Variants in KCNQ1 observed in about 807,000 individuals in gnomAD.
KCNQ1 encodes the protein potassium voltage-gated channel subfamily KQT member 1.
KCNQ1 carries 49 observed loss-of-function variants against 72.4 expected under a neutral mutation model. The observed-to-expected ratio is 0.68, with a 90% confidence interval of 0.54 to 0.86. The LOEUF (loss-of-function observed/expected upper bound fraction) is 0.86. Among genes scored for constraint, KCNQ1 ranks in the 40% least tolerant of loss-of-function variants. The probability of loss-of-function intolerance (pLI) is 0.00; values close to 1 mark genes in which losing one functional copy is unlikely to be tolerated. For missense variants in KCNQ1, 790 were observed against 945.1 expected (o/e 0.84, Z 2.15); for synonymous variants, 450 against 412.6 (o/e 1.09, Z -1.10).
chr11:2,743,285 G>T (rs1846086813), intron 11 of KCNQ1, among the ~76,000 whole-genome samples: 1 of 152,146 alleles, frequency 6.6e-6, no homozygotes, highest in Admixed American at 6.5e-5. Context: ...TCCTCCAGAA[G>T]GTGGGGTCTG....
rs1044393579 is a variant in KCNQ1, at chr11:2,647,300, C to T, written c.1394-14661C>T. On this transcript the variant is annotated intron_variant, in intron 10 of 15. Transcript: ENST00000155840. This position sits in a 1 kb window ranked among gnomAD's most constrained non-coding sequence, Gnocchi z 4.0. ...ATTTATTGATTTGTATATGTTGAAC[C>T]ATCCTTGAATCCCTGGGATAAATCC... The T allele has an allele frequency of 2.5e-6, 1 of 398,380 alleles. No individual in the cohort carries two copies. The highest frequency in any genetic ancestry group is 2.1e-5 in the African/African-American group (1 of 48,686). The allele number at this position is 398,380 out of a possible 1,614,324, so 24.7% of individuals were successfully genotyped here.
At chr11:2,699,525 G>A (rs1850740784) in intron 11 of KCNQ1, 2 of 333,846 alleles carry the variant, frequency 6.0e-6, no homozygotes, top group Non-Finnish European at 1.0e-5. Flanking sequence ...GGAGAGTGCC[G>A]CGCTGAGGAG....
chr11:2,834,742 C>T (rs1417135920), intron 15 of KCNQ1, among the ~76,000 whole-genome samples: 1 of 152,218 alleles, frequency 6.6e-6, no homozygotes, highest in African/African-American at 2.4e-5. Flanking sequence ...CCCCAAGCCC[C>T]AGATGGGCCT....
At chr11:2,519,149 A>G (rs1181963230) in intron 1 of KCNQ1, among the ~76,000 whole-genome samples, 1 of 152,164 alleles carries the variant, frequency 6.6e-6, no homozygotes, top group Admixed American at 6.5e-5. Context: ...CGGTCCCTGA[A>G]GGGCTGGGGT....
rs1177793967 is a variant in KCNQ1 at position 2,687,668 on chromosome 11, G to A, written c.1514+25587G>A. The A allele has an allele frequency of 5.0e-6, 2 of 398,556 alleles. No homozygotes were observed. Among genetic ancestry groups the A allele is most frequent in the Admixed American group, 4.4e-5 (1 of 22,722 alleles). 24.7% of individuals were successfully genotyped at this position (398,556 alleles called of 1,614,324 possible). On this transcript the variant is annotated intron_variant, in intron 11 of 15. Coordinates refer to ENST00000155840, the MANE Select transcript of KCNQ1 (RefSeq NM_000218.3). This position sits in a 1 kb window ranked among gnomAD's most constrained non-coding sequence, Gnocchi z 5.0. ...ATTGGGACCTGTCCTTGCCAGCCAG[G>A]TCTCAGGGAGCTCAGGGTTCAGTGT...
rs1846677237 is a variant in KCNQ1, at chr11:2,482,974, A to G, written c.386+37490A>G. On this transcript the variant is annotated intron_variant, in intron 1 of 15. Transcript: ENST00000155840. The surrounding 1 kb of genome is among the most constrained non-coding windows in gnomAD (Gnocchi z 5.7). ...ATGGTGCGTGTCTCTTAGCAGTAAGACCTTGAGAAGGAGCCAGGCAGGGAG... is the reference window on the plus strand; with the variant it reads ...ATGGTGCGTGTCTCTTAGCAGTAAGGCCTTGAGAAGGAGCCAGGCAGGGAG... Among the ~76,000 whole-genome samples the G allele has an allele frequency of 2.0e-5, 3 of 152,110 alleles. No homozygotes were observed.
In KCNQ1 at chr11:2,644,222, G is replaced by C. The variant is rs142747149; in HGVS notation, c.1394-17739G>C. ...TTTGCTCTTCACCTTCTGGGACACTGAAGGTGTCACCTTATGGCATCCTAT... is the reference window on the plus strand; with the variant it reads ...TTTGCTCTTCACCTTCTGGGACACTCAAGGTGTCACCTTATGGCATCCTAT... On this transcript the variant is annotated intron_variant, in intron 10 of 15. Transcript: ENST00000155840. 3.6e-4 allele frequency: 144 copies of C among 398,436 alleles called. 2 individuals carry two copies. The East Asian group carries it at 5.1e-3, about 14-fold the overall frequency. The allele number at this position is 398,436 out of a possible 1,614,324, so 24.7% of individuals were successfully genotyped here.
At position 2,725,975 on chromosome 11, in the gene KCNQ1, G is replaced by A. The variant is rs952681326; in HGVS notation, c.1515-42869G>A. 1.8e-4 allele frequency among the ~76,000 whole-genome samples: 28 copies of A among 152,166 alleles called. 1 individual carries two copies. Among genetic ancestry groups the A allele is most frequent in the Non-Finnish European group, 3.4e-4 (23 of 68,030 alleles). On this transcript the variant is annotated intron_variant, in intron 11 of 15. Transcript: ENST00000155840. The surrounding 1 kb of genome is among the most constrained non-coding windows in gnomAD (Gnocchi z 7.2). ...CCCCACTAATTTGTGATAAGGCCTC[G>A]CCAAGAAAAACAGCAGGCTAAAGAC...
intron 1 of KCNQ1, among the ~76,000 whole-genome samples, chr11:2,461,279 T>TG (rs1846273339): frequency 6.6e-6 from 1 of 152,204 alleles, no homozygotes; most frequent in African/African-American, 2.4e-5. Context: ...TCTTCAGCCT[T>TG]GGAGAGGATG....
chr11:2,732,086 T>G (rs1845867389), intron 11 of KCNQ1, among the ~76,000 whole-genome samples: 1 of 152,220 alleles, frequency 6.6e-6, no homozygotes, highest in African/African-American at 2.4e-5. Context: ...TTTAGGGTTT[T>G]TAAATTGTGG....
rs954895413 is a variant in KCNQ1 at position 2,647,621 on chromosome 11, C to A, written c.1394-14340C>A. 2.5e-6 allele frequency: 1 copy of A among 398,514 alleles called. No individual in the cohort carries two copies. The highest frequency in any genetic ancestry group is 1.3e-4 in the South Asian group (1 of 7,860). 24.7% of individuals were successfully genotyped at this position (398,514 alleles called of 1,614,324 possible). On this transcript the variant is annotated intron_variant, in intron 10 of 15. Transcript: ENST00000155840. The surrounding 1 kb of genome is among the most constrained non-coding windows in gnomAD (Gnocchi z 4.0). ...GGTAGAATTCAGTAGAAAACCCGTGCAATCCTGAGGTTTTCTTTACTGGGA... is the reference window on the plus strand; with the variant it reads ...GGTAGAATTCAGTAGAAAACCCGTGAAATCCTGAGGTTTTCTTTACTGGGA...
At chr11:2,796,714 C>T (rs949454028) in intron 15 of KCNQ1, among the ~76,000 whole-genome samples, 5 of 152,178 alleles carry the variant, frequency 3.3e-5, no homozygotes, top group African/African-American at 1.2e-4. Flanking sequence ...CCAGGAAGAC[C>T]TCGTGGGTTT....
chr11:2,801,735 G>A (rs762274844), intron 15 of KCNQ1, among the ~76,000 whole-genome samples: 11 of 152,250 alleles, frequency 7.2e-5, no homozygotes, highest in Non-Finnish European at 1.5e-5. Flanking sequence ...TGGAGCCTGG[G>A]GAGATGCCCC....
chr11:2,662,222 C>T, intron 11 of KCNQ1, 141 bp downstream of exon 11: 2 of 1,156,300 alleles, frequency 1.7e-6, no homozygotes, highest in Non-Finnish European at 2.5e-6. Context: ...TCTGCCTGGC[C>T]CCAACACGGA....
In KCNQ1 at chr11:2,593,785, C is replaced by T. The variant is rs1257828439; in HGVS notation, c.1393+4931C>T. ...TCCCGGCTCCGCGTCCTCAGCCCAA[C>T]ACACCAAGCCTGGCCTTTCATGCAC... On this transcript the variant is annotated intron_variant, in intron 10 of 15. Transcript: ENST00000155840. The surrounding 1 kb of genome is among the most constrained non-coding windows in gnomAD (Gnocchi z 6.9). 6.6e-6 allele frequency among the ~76,000 whole-genome samples: 1 copy of T among 152,220 alleles called. No homozygotes were observed. Among genetic ancestry groups the T allele is most frequent in the South Asian group, 2.1e-4 (1 of 4,834 alleles).
At chr11:2,648,914 A>AT in intron 10 of KCNQ1, 1 of 394,270 alleles carries the variant, frequency 2.5e-6, no homozygotes, top group Middle Eastern at 6.4e-4. Flanking sequence ...TATAATTGTT[A>AT]TATCTTCTTG....
intron 2 of KCNQ1, among the ~76,000 whole-genome samples, chr11:2,533,683 C>T (rs1018600972): frequency 1.3e-5 from 2 of 152,238 alleles, no homozygotes; most frequent in Non-Finnish European, 2.9e-5. Context: ...GAAGGAGTTC[C>T]CGGTTTGGGT....
rs1206484874 is a variant in KCNQ1, at chr11:2,668,767, G to GAT, written c.1514+6687_1514+6688dup. The GAT allele has an allele frequency of 8.8e-5, 35 of 398,468 alleles. No homozygotes were observed. Among genetic ancestry groups the GAT allele is most frequent in the Non-Finnish European group, 1.4e-4 (31 of 226,084 alleles). The allele number at this position is 398,468 out of a possible 1,614,324, so 24.7% of individuals were successfully genotyped here. A position where few individuals can be genotyped will look rare whatever the true frequency, so the allele number is the denominator to read the frequency against. On this transcript the variant is annotated intron_variant, in intron 11 of 15. Transcript: ENST00000155840. This position sits in a 1 kb window ranked among gnomAD's most constrained non-coding sequence, Gnocchi z 4.3. ...CTGCAGGCTGCCTTCTTCCTCTCTT[G>GAT]ATGGTGTCTTTTGATGAACAGAAGG...
Position 2,663,100 on chromosome 11 carries a change from G to A in KCNQ1, c.1514+1019G>A, listed in dbSNP as rs1022389434. On this transcript the variant is annotated intron_variant, in intron 11 of 15. Coordinates refer to ENST00000155840, the MANE Select transcript of KCNQ1 (RefSeq NM_000218.3). The surrounding 1 kb of genome is among the most constrained non-coding windows in gnomAD (Gnocchi z 5.2). Reference sequence around the variant, plus strand: ...CAGAATGAGGCCACCTCCAGGGAAGGAGTGGCTATCTTAAGGGGTAATTAT... The same window carrying A: ...CAGAATGAGGCCACCTCCAGGGAAGAAGTGGCTATCTTAAGGGGTAATTAT... The A allele has an allele frequency of 1.0e-5, 4 of 398,550 alleles. No individual in the cohort carries two copies. Among genetic ancestry groups the A allele is most frequent in the Non-Finnish European group, 1.8e-5 (4 of 226,124 alleles). 24.7% of individuals were successfully genotyped at this position (398,550 alleles called of 1,614,324 possible).
Sources: gnomAD v4.1 joint callset for allele counts (sites outside exome capture counted in the v4.1 genomes callset) on GRCh38, gnomAD v4.1.1 for gene constraint, Gnocchi (gnomAD v3.1) non-coding constraint, MANE v1.5 for transcripts, NCBI Gene and HGNC (gene_info 2026-07-23, HGNC 2026-07-21) for gene names.